The following CHODL variants were observed in gnomAD, a reference collection of about 807,000 sequenced individuals.
The protein encoded by CHODL is transmembrane protein MT75.
CHODL carries 29 observed loss-of-function variants against 34.5 expected under a neutral mutation model. The ratio of observed to expected loss-of-function variants is 0.84; its 90% confidence interval spans 0.63 to 1.15. The LOEUF is 1.15. Among genes scored for constraint, CHODL ranks in the 50% most tolerant of loss-of-function variants. The pLI, the probability that CHODL is intolerant of heterozygous loss-of-function variation, is 0.00. For missense variants in CHODL, 332 were observed against 332.5 expected (o/e 1.00, Z 0.01); for synonymous variants, 125 against 116.1 (o/e 1.08, Z -0.49).
chr21:18,044,802 T>G (rs1600931864), intron 2 of CHODL, among the ~76,000 whole-genome samples: 1 of 152,054 alleles, frequency 6.6e-6, no homozygotes, highest in Admixed American at 6.6e-5. Flanking sequence ...TTACTCCAAG[T>G]TTACTCTTCA....
intron 1 of CHODL, among the ~76,000 whole-genome samples, chr21:18,246,853 T>C (rs1453392303): frequency 1.3e-5 from 2 of 152,192 alleles, no homozygotes. Context: ...GAGTACATAA[T>C]TTTTTCCAAA....
At chr21:18,028,224 C>T (rs920129944) in intron 2 of CHODL, among the ~76,000 whole-genome samples, 2 of 105,550 alleles carry the variant, frequency 1.9e-5, no homozygotes, top group East Asian at 4.7e-4. Flanking sequence ...CCTCCCCTCC[C>T]CTCCCCTCCC....
intron 1 of CHODL, among the ~76,000 whole-genome samples, chr21:17,954,607 A>G (rs2063483096): frequency 7.4e-6 from 1 of 135,662 alleles, no homozygotes; most frequent in Admixed American, 7.3e-5. Context: ...GACTGTGTTT[A>G]TACCATCAGT....
chr21:18,238,272 G>A (rs921946174), intron 2 of CHODL, among the ~76,000 whole-genome samples: 5 of 152,008 alleles, frequency 3.3e-5, no homozygotes, highest in African/African-American at 7.2e-5. Context: ...AGACATACCC[G>A]AGACTGGGAA....
chr21:18,151,988 CTG>C (rs71941239), intron 2 of CHODL, among the ~76,000 whole-genome samples: 19,045 of 146,344 alleles, frequency 0.13, 1,302 homozygotes, highest in East Asian at 0.33. Context: ...GTATATAACT[CTG>C]TGTGTGTGTG....
rs191064644 is a variant in CHODL at position 17,924,110 on chromosome 21, G to A, written c.-145+6710G>A. ...TAAAGGTGAGAGGCTGTGGCTGGAG[G>A]TGCCTCTGCCCGGTAGCACCATACA... is the stretch of plus-strand genomic sequence containing the variant. On this transcript the variant is annotated intron_variant, in intron 1 of 6. Transcript: ENST00000400127. Among the ~76,000 whole-genome samples the A allele has an allele frequency of 2.6e-4, 39 of 152,322 alleles. No individual in the cohort carries two copies. The East Asian group carries it at 7.5e-3, about 29-fold the overall frequency.
chr21:18,239,415 A>G (rs1463811615), intron 2 of CHODL, among the ~76,000 whole-genome samples: 2 of 152,072 alleles, frequency 1.3e-5, no homozygotes, highest in African/African-American at 4.8e-5. Flanking sequence ...GGATATTTAA[A>G]TTGATTTTTT....
At chr21:18,104,789 TTC>T (rs2065254794) in intron 2 of CHODL, among the ~76,000 whole-genome samples, 1 of 152,218 alleles carries the variant, frequency 6.6e-6, no homozygotes, top group Admixed American at 6.5e-5. Context: ...CATGTTTAAA[TTC>T]TGTTTTGTGT....
At chr21:18,176,202 G>A (rs1393554867) in intron 2 of CHODL, among the ~76,000 whole-genome samples, 2 of 152,136 alleles carry the variant, frequency 1.3e-5, no homozygotes, top group African/African-American at 4.8e-5. Context: ...AGATAAGTTA[G>A]AAGAATTGGC....
At chr21:17,988,384 T>C (rs35581853) in intron 1 of CHODL, among the ~76,000 whole-genome samples, 78,883 of 146,154 alleles carry the variant, frequency 0.54, 22,282 homozygotes, top group African/African-American at 0.69. Context: ...TTTTTTTTTT[T>C]CCCTTTTTTC....
chr21:18,207,684 G>C (rs966069666), intron 2 of CHODL, among the ~76,000 whole-genome samples: 2 of 98,816 alleles, frequency 2.0e-5, no homozygotes, highest in African/African-American at 1.1e-4. Context: ...TTTTTTTGCG[G>C]GGAAAGTCTT....
At chr21:18,020,137 T>G (rs531291016) in intron 1 of CHODL, among the ~76,000 whole-genome samples, 6 of 152,296 alleles carry the variant, frequency 3.9e-5, no homozygotes, top group African/African-American at 1.4e-4. Flanking sequence ...AGGTACTTTT[T>G]GGTTTTGCCC....
chr21:18,126,681 C>T (rs2065549192), intron 2 of CHODL, among the ~76,000 whole-genome samples: 1 of 151,768 alleles, frequency 6.6e-6, no homozygotes, highest in Admixed American at 6.6e-5. Context: ...CCTCGTATGA[C>T]AGCAGAAAAC....
At chr21:18,095,101 A>G (rs967347430) in intron 2 of CHODL, among the ~76,000 whole-genome samples, 2 of 150,860 alleles carry the variant, frequency 1.3e-5, no homozygotes, top group African/African-American at 4.9e-5. Flanking sequence ...TCTAGCCTGG[A>G]TGACAGATTG....
At chr21:18,153,201 C>T (rs1356336872) in intron 2 of CHODL, among the ~76,000 whole-genome samples, 2 of 152,184 alleles carry the variant, frequency 1.3e-5, no homozygotes, top group African/African-American at 2.4e-5. Context: ...GAGTTTCATG[C>T]AGCCAAAATC....
chr21:17,943,896 T>C (rs1226592237), intron 1 of CHODL, among the ~76,000 whole-genome samples: 3 of 152,108 alleles, frequency 2.0e-5, no homozygotes, highest in African/African-American at 7.2e-5. Context: ...ATAAATAGCA[T>C]GGCTTACCTG....
At chr21:18,090,568 CA>C (rs1450275570) in intron 2 of CHODL, among the ~76,000 whole-genome samples, 1 of 151,078 alleles carries the variant, frequency 6.6e-6, no homozygotes, top group African/African-American at 2.4e-5. Flanking sequence ...CCTAAAATAA[CA>C]ACAGTGTGCA....
At chr21:18,195,657 A>G (rs2073578495) in intron 2 of CHODL, among the ~76,000 whole-genome samples, 1 of 152,080 alleles carries the variant, frequency 6.6e-6, no homozygotes, top group African/African-American at 2.4e-5. Flanking sequence ...ATCTGTTTCA[A>G]TTATCTGCAG....
intron 2 of CHODL, among the ~76,000 whole-genome samples, chr21:18,115,929 G>A (rs2065406888): frequency 6.6e-6 from 1 of 151,814 alleles, no homozygotes; most frequent in Non-Finnish European, 1.5e-5. Flanking sequence ...CAAATCCAGT[G>A]GACACGTTCA....
Sources: gnomAD v4.1 joint callset for allele counts (sites outside exome capture counted in the v4.1 genomes callset) on GRCh38, gnomAD v4.1.1 for gene constraint, MANE v1.5 for transcripts, NCBI Gene and HGNC (gene_info 2026-07-23, HGNC 2026-07-21) for gene names.